The following SLC25A12 variants were observed in gnomAD, a reference collection of about 807,000 sequenced individuals.
SLC25A12 encodes electrogenic aspartate/glutamate antiporter SLC25A12, mitochondrial.
A neutral mutation model predicts 83.3 loss-of-function variants in SLC25A12; 32 were observed. That is an observed-to-expected ratio of 0.38 (90% CI 0.29 to 0.52). The LOEUF is 0.52. Among genes scored for constraint, SLC25A12 ranks in the 20% least tolerant of loss-of-function variants. SLC25A12 has a pLI of 0.84. For missense variants in SLC25A12, 611 were observed against 835.6 expected, an observed-to-expected ratio of 0.73 and a Z score of 3.31; for synonymous variants, 267 against 291.1, an observed-to-expected ratio of 0.92 and a Z score of 0.84.
chr2:171,888,690 G>A (rs1188168889), intron 2 of SLC25A12, among the ~76,000 whole-genome samples: 2 of 151,872 alleles, frequency 1.3e-5, no homozygotes, highest in South Asian at 2.1e-4. Context: ...TGATCCACCC[G>A]CCTCAGCCTC....
intron 2 of SLC25A12, among the ~76,000 whole-genome samples, chr2:171,874,134 G>T (rs1685513608): frequency 6.6e-6 from 1 of 152,228 alleles, no homozygotes; most frequent in South Asian, 2.1e-4. Flanking sequence ...GCTGAGGCAG[G>T]AGAGTCGCTT....
intron 3 of SLC25A12, among the ~76,000 whole-genome samples, chr2:171,858,658 A>G (rs1262737141): frequency 2.6e-5 from 4 of 152,210 alleles, no homozygotes; most frequent in Admixed American, 1.3e-4. Flanking sequence ...AAGAAATGAC[A>G]AGATTTCCCA....
chr2:171,791,355 T>G, intron 15 of SLC25A12, 96 bp downstream of exon 15: 1 of 1,080,606 alleles, frequency 9.3e-7, no homozygotes, highest in South Asian at 1.3e-5. Flanking sequence ...GTACAAACAA[T>G]AATACTTCCA....
At chr2:171,795,241 C>T (rs1683575024) in intron 13 of SLC25A12, among the ~76,000 whole-genome samples, 2 of 152,142 alleles carry the variant, frequency 1.3e-5, no homozygotes, top group Admixed American at 6.5e-5. Flanking sequence ...CTCCTCAACT[C>T]GACACAATCC....
chr2:171,859,613 A>G (rs549099148), intron 3 of SLC25A12, among the ~76,000 whole-genome samples: 36 of 152,338 alleles, frequency 2.4e-4, no homozygotes, highest in African/African-American at 8.4e-4. Flanking sequence ...ATATTGTTCC[A>G]CCTATGTGAG....
intron 2 of SLC25A12, among the ~76,000 whole-genome samples, chr2:171,871,291 G>A (rs1283437080): frequency 2.6e-5 from 4 of 151,760 alleles, no homozygotes; most frequent in Admixed American, 6.6e-5. Flanking sequence ...GTGGCCGGGC[G>A]CAGTGGCTCA....
chr2:171,823,878 C>T (rs367927054), intron 9 of SLC25A12, among the ~76,000 whole-genome samples: 29 of 151,516 alleles, frequency 1.9e-4, no homozygotes, highest in Admixed American at 1.8e-3. Context: ...TCACCTGAGC[C>T]GGGGAGGTCA....
chr2:171,807,942 G>A (rs1683870728), intron 13 of SLC25A12, among the ~76,000 whole-genome samples: 1 of 152,140 alleles, frequency 6.6e-6, no homozygotes. Flanking sequence ...AGAGAATCTG[G>A]AGCAACCTCT....
intron 2 of SLC25A12, among the ~76,000 whole-genome samples, chr2:171,874,689 C>G (rs1354363919): frequency 6.6e-6 from 1 of 152,258 alleles, no homozygotes; most frequent in South Asian, 2.1e-4. Context: ...TCATAGAATA[C>G]TATGCAGCCA....
At chr2:171,797,159 TA>T (rs1279166112) in intron 13 of SLC25A12, among the ~76,000 whole-genome samples, 152 of 152,326 alleles carry the variant, frequency 1.0e-3, no homozygotes, top group African/African-American at 3.4e-3. Flanking sequence ...GAGAATTTCA[TA>T]AATACAGTAA....
intron 6 of SLC25A12, among the ~76,000 whole-genome samples, chr2:171,836,222 T>C (rs1684553188): frequency 1.3e-5 from 2 of 152,224 alleles, no homozygotes; most frequent in South Asian, 4.1e-4. Context: ...TCAGATTCAC[T>C]GAAGAAAAAG....
intron 8 of SLC25A12, among the ~76,000 whole-genome samples, chr2:171,833,428 C>T (rs985264617): frequency 2.6e-5 from 4 of 152,204 alleles, no homozygotes; most frequent in African/African-American, 9.6e-5. Context: ...GAAAGAAACA[C>T]AGGGTCTGGA....
intron 2 of SLC25A12, chr2:171,871,660 G>A (rs375624151): frequency 2.4e-5 from 22 of 934,108 alleles, no homozygotes; most frequent in Non-Finnish European, 2.7e-5. Flanking sequence ...TAGTTTCCCT[G>A]TCCCAAGTTA....
chr2:171,819,363 T>A lies in SLC25A12; in HGVS notation c.931-4161A>T, dbSNP rs1165679716. 1.7e-4 allele frequency among the ~76,000 whole-genome samples: 13 copies of A among 77,850 alleles called. No homozygotes were observed. In the East Asian group the frequency reaches 3.8e-3, roughly 23 times the overall value. The allele number at this position is 77,850 out of a possible 152,430, so 51.1% of individuals were successfully genotyped here. Reference sequence around the variant, plus strand: ...TATATTATTATATATGTATTTATATTATATATAATATATTATATATAATAT... The same window carrying A: ...TATATTATTATATATGTATTTATATAATATATAATATATTATATATAATAT... On this transcript the variant is annotated intron_variant, in intron 9 of 17. Coordinates refer to ENST00000422440, the MANE Select transcript of SLC25A12 (RefSeq NM_003705.5).
chr2:171,887,542 C>T (rs1350377594), intron 2 of SLC25A12, among the ~76,000 whole-genome samples: 1 of 152,120 alleles, frequency 6.6e-6, no homozygotes, highest in African/African-American at 2.4e-5. Flanking sequence ...AAGGGACAGA[C>T]AAAATTAACT....
intron 15 of SLC25A12, among the ~76,000 whole-genome samples, chr2:171,789,387 C>T (rs1690553179): frequency 6.6e-6 from 1 of 151,664 alleles, no homozygotes; most frequent in Non-Finnish European, 1.5e-5. Flanking sequence ...CGCCACCACG[C>T]CCGGCTAATT....
intron 2 of SLC25A12, chr2:171,871,810 A>C (rs1039140053): frequency 4.6e-5 from 42 of 919,748 alleles, no homozygotes; most frequent in Middle Eastern, 5.6e-4. Flanking sequence ...TTAGCATTCA[A>C]AGCATTTGAG....
At chr2:171,859,258 G>T (rs545871598) in intron 3 of SLC25A12, among the ~76,000 whole-genome samples, 1 of 152,068 alleles carries the variant, frequency 6.6e-6, no homozygotes, top group Non-Finnish European at 1.5e-5. Context: ...TATATCACGA[G>T]ATATATATTC....
intron 13 of SLC25A12, among the ~76,000 whole-genome samples, chr2:171,801,862 G>T (rs931281116): frequency 6.6e-6 from 1 of 150,872 alleles, no homozygotes; most frequent in African/African-American, 2.4e-5. Context: ...CTCATGATAG[G>T]TTTATTACAA....
Sources: gnomAD v4.1 joint callset for allele counts (sites outside exome capture counted in the v4.1 genomes callset) on GRCh38, gnomAD v4.1.1 for gene constraint, MANE v1.5 for transcripts, NCBI Gene and HGNC (gene_info 2026-07-23, HGNC 2026-07-21) for gene names.